Variants in NBEA observed in about 807,000 individuals in gnomAD.
NBEA encodes lysosomal-trafficking regulator 2.
Under a neutral mutation model 343.4 loss-of-function variants are expected in NBEA, and 44 were observed. The ratio of observed to expected loss-of-function variants is 0.13; its 90% CI spans 0.10 to 0.16. The LOEUF is 0.16. Among genes scored for constraint, NBEA ranks in the 10% least tolerant of loss-of-function variants. NBEA has a pLI of 1.00. For synonymous variants in NBEA, 1,175 were observed against 1,238.7 expected, an observed-to-expected ratio of 0.95 and a Z score of 1.08; for missense variants, 2,555 against 3,631.3, an observed-to-expected ratio of 0.70 and a Z score of 7.62.
intron 38 of NBEA, among the ~76,000 whole-genome samples, chr13:35,411,411 T>C (rs1030507445): frequency 6.6e-6 from 1 of 152,076 alleles, no homozygotes; most frequent in Non-Finnish European, 1.5e-5. Context: ...TTGTTGTAGA[T>C]GATTTGCCTC....
At chr13:35,553,147 C>T (rs2079419051) in intron 43 of NBEA, among the ~76,000 whole-genome samples, 1 of 152,024 alleles carries the variant, frequency 6.6e-6, no homozygotes, top group Non-Finnish European at 1.5e-5. Context: ...CCACTTAAGC[C>T]TCCCGAAGTG....
intron 10 of NBEA, among the ~76,000 whole-genome samples, chr13:35,072,700 TAC>T (rs1198255345): frequency 1.3e-5 from 2 of 152,132 alleles, no homozygotes; most frequent in Non-Finnish European, 2.9e-5. Flanking sequence ...CAGCTGGGAT[TAC>T]AGGCACCTGC....
chr13:35,332,107 C>A (rs905266532), intron 36 of NBEA, among the ~76,000 whole-genome samples: 5 of 151,998 alleles, frequency 3.3e-5, no homozygotes, highest in African/African-American at 9.7e-5. Flanking sequence ...TGATTTCATA[C>A]TTCATGACAG....
chr13:35,094,490 A>C (rs1174593101), intron 10 of NBEA, among the ~76,000 whole-genome samples: 1 of 152,078 alleles, frequency 6.6e-6, no homozygotes, highest in Non-Finnish European at 1.5e-5. Context: ...TGACTGCTAA[A>C]TATACCTGGA....
chr13:35,114,897 C>A (rs1320670637), intron 13 of NBEA, among the ~76,000 whole-genome samples: 1 of 152,070 alleles, frequency 6.6e-6, no homozygotes, highest in Non-Finnish European at 1.5e-5. Flanking sequence ...CCATTTTAAA[C>A]AAATGCTTTC....
At chr13:35,631,285 A>G (rs1233704625) in intron 49 of NBEA, among the ~76,000 whole-genome samples, 1 of 152,178 alleles carries the variant, frequency 6.6e-6, no homozygotes, top group Non-Finnish European at 1.5e-5. Flanking sequence ...GGGAGGCACA[A>G]TACCTTTTTT....
At chr13:35,217,418 T>G (rs1301642812) in intron 33 of NBEA, among the ~76,000 whole-genome samples, 2 of 152,008 alleles carry the variant, frequency 1.3e-5, no homozygotes, top group African/African-American at 4.8e-5. Context: ...AAGCTTTTGG[T>G]GTCATGTCTA....
intron 41 of NBEA, among the ~76,000 whole-genome samples, chr13:35,520,348 A>G (rs2077653350): frequency 1.3e-5 from 2 of 152,226 alleles, no homozygotes; most frequent in Non-Finnish European, 2.9e-5. Context: ...CTATCCTAGT[A>G]TCACTATAGT....
intron 17 of NBEA, among the ~76,000 whole-genome samples, chr13:35,134,426 A>G (rs1386316927): frequency 6.6e-6 from 1 of 151,912 alleles, no homozygotes; most frequent in African/African-American, 2.4e-5. Context: ...TAGACATTTT[A>G]TTGGACACTG....
intron 35 of NBEA, among the ~76,000 whole-genome samples, chr13:35,298,551 T>C (rs559828008): frequency 2.6e-5 from 4 of 151,904 alleles, no homozygotes; most frequent in Non-Finnish European, 5.9e-5. Context: ...AACTCAAACC[T>C]AATAAACATG....
intron 41 of NBEA, among the ~76,000 whole-genome samples, chr13:35,542,220 A>AAC (rs1263645410): frequency 6.6e-6 from 1 of 151,760 alleles, no homozygotes; most frequent in Non-Finnish European, 1.5e-5. Flanking sequence ...GGCATATAAT[A>AAC]ACATTCCTAA....
chr13:35,196,422 A>T (rs1248120351), intron 31 of NBEA, 120 bp downstream of exon 31: 1 of 965,102 alleles, frequency 1.0e-6, no homozygotes, highest in African/African-American at 1.7e-5. Context: ...TATTACAAAG[A>T]CAATCAAAAT....
At chr13:34,988,394 C>A (rs866547459) in intron 1 of NBEA, among the ~76,000 whole-genome samples, 1 of 151,332 alleles carries the variant, frequency 6.6e-6, no homozygotes, top group Non-Finnish European at 1.5e-5. Context: ...ATGCCCTGCC[C>A]CCAGAGGTGG....
intron 41 of NBEA, among the ~76,000 whole-genome samples, chr13:35,508,151 A>C (rs2077142057): frequency 6.6e-6 from 1 of 152,188 alleles, no homozygotes; most frequent in East Asian, 1.9e-4. Flanking sequence ...AAACGGTAGT[A>C]GAATCCAGAC....
chr13:35,403,925 T>C (rs1268358090), intron 38 of NBEA, among the ~76,000 whole-genome samples: 2 of 151,696 alleles, frequency 1.3e-5, no homozygotes, highest in Admixed American at 6.6e-5. Context: ...AACAACACCA[T>C]CAAAAAGTGG....
chr13:35,016,235 GTGTA>G (rs1470275369), intron 1 of NBEA, among the ~76,000 whole-genome samples: 2 of 152,008 alleles, frequency 1.3e-5, no homozygotes, highest in African/African-American at 2.4e-5. Context: ...GTGTATGTGT[GTGTA>G]TGTAGATATA....
chr13:35,062,116 T>C (rs1237482878), intron 8 of NBEA, among the ~76,000 whole-genome samples: 1 of 151,766 alleles, frequency 6.6e-6, no homozygotes, highest in Admixed American at 6.6e-5. Flanking sequence ...ACATGAGGTC[T>C]ATTATAACTA....
intron 16 of NBEA, among the ~76,000 whole-genome samples, chr13:35,119,409 A>G (rs1312871485): frequency 6.6e-6 from 1 of 152,154 alleles, no homozygotes; most frequent in Non-Finnish European, 1.5e-5. Flanking sequence ...ATTTATATCA[A>G]TGAATAACAA....
At chr13:35,475,523 C>A in intron 41 of NBEA, 1 of 1,612,814 alleles carries the variant, frequency 6.2e-7, no homozygotes, top group Non-Finnish European at 8.5e-7. Flanking sequence ...TTGAAACCTT[C>A]CGCCTTGACC....
Sources: gnomAD v4.1 joint callset for allele counts (sites outside exome capture counted in the v4.1 genomes callset) on GRCh38, gnomAD v4.1.1 for gene constraint, MANE v1.5 for transcripts, NCBI Gene and HGNC (gene_info 2026-07-23, HGNC 2026-07-21) for gene names.